RSU1: variants seen among roughly 807,000 people sequenced by gnomAD.
RSU1 encodes Ras suppressor protein 1.
In RSU1, 26 loss-of-function variants were observed where a neutral mutation model predicts 31.1. That is an observed-to-expected ratio of 0.84 (90% confidence interval 0.61 to 1.16). The LOEUF is 1.16. Ranked by LOEUF, RSU1 falls within the 50% of genes most tolerant of loss-of-function variation. The pLI, the probability that RSU1 is intolerant of heterozygous loss-of-function variation, is 0.00. For missense variants in RSU1, 320 were observed against 339.1 expected, an observed-to-expected ratio of 0.94 and a Z score of 0.44; for synonymous variants, 164 against 136.3, an observed-to-expected ratio of 1.20 and a Z score of -1.41.
chr10:16,816,384 A>G (rs1408930051), intron 2 of RSU1, among the ~76,000 whole-genome samples: 3 of 152,164 alleles, frequency 2.0e-5, no homozygotes, highest in Non-Finnish European at 2.9e-5. Flanking sequence ...CACCATAGAC[A>G]GGGGTTACAG....
chr10:16,794,071 T>A (rs796974741), intron 2 of RSU1, among the ~76,000 whole-genome samples: 3 of 152,204 alleles, frequency 2.0e-5, no homozygotes, highest in African/African-American at 7.2e-5. Flanking sequence ...ACATCAGAGT[T>A]CCTGGTTCCT....
At chr10:16,792,892 G>A (rs780279088) in intron 2 of RSU1, among the ~76,000 whole-genome samples, 23 of 152,262 alleles carry the variant, frequency 1.5e-4, no homozygotes, top group African/African-American at 2.6e-4. Flanking sequence ...TGTCAGCACC[G>A]GGCAGCAATG....
At chr10:16,750,109 G>C (rs1836944987) in intron 7 of RSU1, among the ~76,000 whole-genome samples, 1 of 152,116 alleles carries the variant, frequency 6.6e-6, no homozygotes. Flanking sequence ...AACATTTACA[G>C]TGCCTTGCAA....
chr10:16,601,718 G>A (rs1249365064), intron 8 of RSU1, among the ~76,000 whole-genome samples: 3 of 152,188 alleles, frequency 2.0e-5, no homozygotes, highest in Non-Finnish European at 4.4e-5. Context: ...GCATGTGGCT[G>A]GGGAATCTGG....
chr10:16,806,139 G>A (rs528983524), intron 2 of RSU1, among the ~76,000 whole-genome samples: 72 of 152,210 alleles, frequency 4.7e-4, no homozygotes, highest in African/African-American at 1.7e-3. Flanking sequence ...TAAGTATTTT[G>A]GGAAGATGAA....
rs187774079 is a variant in RSU1, at chr10:16,624,846, C to T, written c.732-31350G>A. Among the ~76,000 whole-genome samples the T allele has an allele frequency of 2.0e-5, 3 of 152,220 alleles. No homozygotes were observed. In the East Asian group the frequency reaches 5.8e-4, roughly 29 times the overall value. On this transcript the variant is annotated intron_variant, in intron 8 of 8. Transcript: ENST00000345264. ...ATGGGCTGATTGATTAAAAAAAGTTCAGACTGACTCCCGTCACAGGTTCCT... is the reference window on the plus strand; with the variant it reads ...ATGGGCTGATTGATTAAAAAAAGTTTAGACTGACTCCCGTCACAGGTTCCT...
chr10:16,695,167 G>GGGC lies in RSU1; in HGVS notation c.599-13_599-12insGCC. The GGGC allele has an allele frequency of 7.6e-7, 1 of 1,318,154 alleles. No homozygotes were observed. Among genetic ancestry groups the GGGC allele is most frequent in the Non-Finnish European group, 1.0e-6 (1 of 970,980 alleles). 81.7% of individuals were successfully genotyped at this position (1,318,154 alleles called of 1,614,324 possible). A position where few individuals can be genotyped will look rare whatever the true frequency, so the allele number is the denominator to read the frequency against. On this transcript the variant is annotated splice_polypyrimidine_tract_variant and intron_variant, in intron 7 of 8. Transcript: ENST00000345264. The stretch of plus-strand genomic sequence containing the variant: ...TAAATCCAAGTTTCCTGGGGGGGGG[G>GGGC]AAAAAAAAAGTGAAGGTCACTTCAT...
chr10:16,604,536 C>A (rs555896180), intron 8 of RSU1, among the ~76,000 whole-genome samples: 65 of 152,264 alleles, frequency 4.3e-4, no homozygotes, highest in African/African-American at 1.5e-3. Flanking sequence ...CCCTCCTATA[C>A]CTTCTGCCGC....
chr10:16,753,969 C>T (rs552906260), intron 5 of RSU1, among the ~76,000 whole-genome samples: 19 of 151,974 alleles, frequency 1.3e-4, no homozygotes, highest in Non-Finnish European at 2.5e-4. Context: ...CTATGTTGCC[C>T]AGGCTGGTCT....
At chr10:16,630,274 T>C (rs1369741987) in intron 8 of RSU1, among the ~76,000 whole-genome samples, 1 of 152,320 alleles carries the variant, frequency 6.6e-6, no homozygotes, top group South Asian at 2.1e-4. Flanking sequence ...TATCATATCA[T>C]ATGTGTTGCT....
intron 2 of RSU1, among the ~76,000 whole-genome samples, chr10:16,790,959 A>G (rs1160733139): frequency 2.0e-5 from 3 of 152,206 alleles, no homozygotes; most frequent in Non-Finnish European, 4.4e-5. Flanking sequence ...TTCAGAAACT[A>G]CCCAGCCTCA....
chr10:16,800,618 A>C (rs10904819), intron 2 of RSU1, among the ~76,000 whole-genome samples: 1 of 152,022 alleles, frequency 6.6e-6, no homozygotes, highest in Non-Finnish European at 1.5e-5. Context: ...CGTAACAGGC[A>C]TGTTGGTTGA....
At chr10:16,603,616 A>T (rs1833749282) in intron 8 of RSU1, among the ~76,000 whole-genome samples, 1 of 152,232 alleles carries the variant, frequency 6.6e-6, no homozygotes, top group African/African-American at 2.4e-5. Flanking sequence ...CATTTAAGAA[A>T]ATAGGTAATC....
intron 3 of RSU1, among the ~76,000 whole-genome samples, chr10:16,780,190 T>G (rs1407101056): frequency 1.3e-5 from 2 of 152,270 alleles, no homozygotes; most frequent in East Asian, 1.9e-4. Flanking sequence ...TAAAAAGAAA[T>G]AAACTACAGT....
chr10:16,625,329 T>C (rs544965283), intron 8 of RSU1, among the ~76,000 whole-genome samples: 1 of 152,044 alleles, frequency 6.6e-6, no homozygotes, highest in Non-Finnish European at 1.5e-5. Flanking sequence ...CCCTACCCAC[T>C]CTCATGATGG....
At chr10:16,767,025 A>G (rs1715420779) in intron 3 of RSU1, among the ~76,000 whole-genome samples, 1 of 150,014 alleles carries the variant, frequency 6.7e-6, no homozygotes, top group South Asian at 2.1e-4. Context: ...CTATGTCCAA[A>G]AAAAAAAAAA....
At chr10:16,778,207 G>T (rs111941067) in intron 3 of RSU1, among the ~76,000 whole-genome samples, 18 of 151,898 alleles carry the variant, frequency 1.2e-4, no homozygotes, top group African/African-American at 4.3e-4. Flanking sequence ...ATGTTGCCCA[G>T]GCTGAAGGTC....
Position 16,592,924 on chromosome 10 carries a change from G to T in RSU1, c.*470C>A, listed in dbSNP as rs1564279000. On this transcript the variant is annotated 3_prime_UTR_variant, in exon 9 of 9. Coordinates refer to ENST00000345264, the MANE Select transcript of RSU1 (RefSeq NM_012425.4). Reference sequence around the variant, plus strand: ...TAAGTAACATGTGATACAAACTCAAGATTTTATTAAAATCATTTGTAAGTT... The same window carrying T: ...TAAGTAACATGTGATACAAACTCAATATTTTATTAAAATCATTTGTAAGTT... 6.5e-6 allele frequency: 1 copy of T among 153,682 alleles called. No individual in the cohort carries two copies. The highest frequency in any genetic ancestry group is 6.4e-5 in the Admixed American group (1 of 15,520). 9.5% of individuals were successfully genotyped at this position (153,682 alleles called of 1,614,324 possible). A position where few individuals can be genotyped will look rare whatever the true frequency, so the allele number is the denominator to read the frequency against.
chr10:16,666,268 T>A (rs147122652), intron 8 of RSU1, among the ~76,000 whole-genome samples: 4 of 152,122 alleles, frequency 2.6e-5, no homozygotes, highest in Non-Finnish European at 5.9e-5. Context: ...TTTGAAATAA[T>A]AGATCATATC....
Sources: allele counts gnomAD v4.1 joint callset (sites outside exome capture counted in the v4.1 genomes callset), GRCh38; gene constraint gnomAD v4.1.1; transcripts MANE v1.5; gene names NCBI Gene and HGNC (gene_info 2026-07-23, HGNC 2026-07-21).